Variants in TDO2 observed in about 807,000 individuals in gnomAD.
The protein encoded by TDO2 is tryptamin 2,3-dioxygenase.
Under a neutral mutation model 61.2 loss-of-function variants are expected in TDO2, and 63 were observed. That is an observed-to-expected ratio of 1.03 (90% CI 0.84 to 1.27). TDO2 has a LOEUF of 1.27. TDO2 is among the 50% of genes most tolerant of loss of function. The pLI is 0.00. For synonymous variants in TDO2, 183 were observed against 164.0 expected (o/e 1.12, Z -0.89); for missense variants, 494 against 469.5 (o/e 1.05, Z -0.48).
At chr4:155,914,714 G>T (rs1209678841) in intron 8 of TDO2, among the ~76,000 whole-genome samples, 4 of 152,100 alleles carry the variant, frequency 2.6e-5, no homozygotes, top group Non-Finnish European at 4.4e-5. Context: ...GTAGTTCACA[G>T]CCTAATAGGG....
At chr4:155,908,761 T>G in intron 4 of TDO2, 126 bp from the exon 5 acceptor site, 1 of 1,207,960 alleles carries the variant, frequency 8.3e-7, no homozygotes, top group Non-Finnish European at 1.1e-6. Flanking sequence ...TTGCAAATTT[T>G]AGTTTCAAAG....
rs1335454055 is a variant in TDO2 at position 155,914,422 on chromosome 4, C to A, written c.826C>A (p.Leu276Ile). 2 of 1,592,624 alleles carry A rather than the reference C, an allele frequency of 1.3e-6. No homozygotes were observed. The highest frequency in any genetic ancestry group is 3.8e-5 in the Admixed American group (2 of 52,968). Residue 276 changes from leucine (L) to isoleucine (I), a missense_variant, in exon 8 of 12, where the codon CTC (leucine) becomes ATC (isoleucine). Transcript: ENST00000536354. ...ATTTGATGAGAAACGTCATGAACAT[C>A]TCCTTAGTAAAGGCAGGTATTTTTA... The part of the protein sequence containing the change: ...SLFDEKRHEH[L>I]LSKGERRLSY...
At position 155,919,941 on chromosome 4, in the gene TDO2, C is replaced by T. The variant is rs1743014098; in HGVS notation, c.1172C>T (p.Thr391Ile). The T allele has an allele frequency of 1.9e-6, 3 of 1,613,626 alleles. No individual in the cohort carries two copies. Among genetic ancestry groups the T allele is most frequent in the African/African-American group, 2.7e-5 (2 of 75,024 alleles). The change falls in exon 12 of 12, where the codon ACA becomes ATA. Residue 391 changes from threonine to isoleucine, a missense_variant. Coordinates refer to ENST00000536354, the MANE Select transcript of TDO2 (RefSeq NM_005651.4). ...MNPTIHKFLYTAEYCDSSYFS... is the reference protein window; with the variant it reads ...MNPTIHKFLYIAEYCDSSYFS... ...CCAACCATTCACAAATTTCTATATA[C>T]AGCAGAATACTGTGATAGCTCCTAC...
At chr4:155,906,430 G>T (rs1232614329) in intron 3 of TDO2, 1 of 152,136 alleles carries the variant, frequency 6.6e-6, no homozygotes, top group African/African-American at 2.4e-5. Flanking sequence ...ATAACTTAGA[G>T]TTATAATTGG....
At chr4:155,916,373 T>TTAGCCAGGATGGTCTCGA in intron 9 of TDO2, among the ~76,000 whole-genome samples, 1 of 43,194 alleles carries the variant, frequency 2.3e-5, no homozygotes, top group Admixed American at 2.9e-4. Flanking sequence ...TTTCACCGTG[T>TTAGCCAGGATGGTCTCGA]TAGCCAGGAT....
At chr4:155,916,261 G>A (rs1181800761) in intron 9 of TDO2, among the ~76,000 whole-genome samples, 2 of 143,112 alleles carry the variant, frequency 1.4e-5, no homozygotes, top group African/African-American at 2.6e-5. Flanking sequence ...TCCGCCTCCC[G>A]GGTTCACGCC....
At chr4:155,916,117 G>C (rs1742928325) in intron 9 of TDO2, among the ~76,000 whole-genome samples, 1 of 147,800 alleles carries the variant, frequency 6.8e-6, no homozygotes, top group Non-Finnish European at 1.5e-5. Context: ...CTTTTTCCCT[G>C]AACAGGGTTA....
chr4:155,905,016 T>A (rs771447894), intron 2 of TDO2, 51 bp from the exon 3 acceptor site: 1 of 1,380,286 alleles, frequency 7.2e-7, no homozygotes, highest in South Asian at 1.4e-5. Flanking sequence ...CTAAAGTTCA[T>A]AAAAACCAAG....
rs1270229491 is a variant in TDO2, at chr4:155,914,413, C to T, written c.817C>T (p.His273Tyr). The change falls in exon 8 of 12, where the codon CAT (histidine) becomes TAT (tyrosine). Residue 273 changes from histidine to tyrosine, a missense_variant. Physicochemically the swap from His to Tyr is moderately conservative, Grantham distance 83. Coordinates refer to ENST00000536354, the MANE Select transcript of TDO2 (RefSeq NM_005651.4). ...VLLSLFDEKR[H>Y]EHLLSKGERR... ...ACTGTCCTTATTTGATGAGAAACGTCATGAACATCTCCTTAGTAAAGGCAG... is the reference window on the plus strand; with the variant it reads ...ACTGTCCTTATTTGATGAGAAACGTTATGAACATCTCCTTAGTAAAGGCAG... 1 of 1,597,494 alleles carries T rather than the reference C, an allele frequency of 6.3e-7. No individual in the cohort carries two copies. The highest frequency in any genetic ancestry group is 8.5e-7 in the Non-Finnish European group (1 of 1,175,872).
chr4:155,920,208 G>T lies in TDO2; in HGVS notation c.*218G>T. The T allele has an allele frequency of 4.0e-6, 2 of 500,002 alleles. No homozygotes were observed. The highest frequency in any genetic ancestry group is 3.6e-5 in the East Asian group (1 of 27,780). 31.0% of individuals were successfully genotyped at this position (500,002 alleles called of 1,614,324 possible). ...ATTTAAATAGTAACATTGTACATAG[G>T]GTGTTTTCCTATTAAAAATTCAGTT... On this transcript the variant is annotated 3_prime_UTR_variant, in exon 12 of 12. Coordinates refer to ENST00000536354, the MANE Select transcript of TDO2 (RefSeq NM_005651.4).
intron 6 of TDO2, among the ~76,000 whole-genome samples, chr4:155,910,807 C>A (rs1742815624): frequency 6.6e-6 from 1 of 152,060 alleles, no homozygotes; most frequent in Non-Finnish European, 1.5e-5. Context: ...TTATACTCTG[C>A]TCATTAATCC....
In TDO2 at chr4:155,920,033, AT is replaced by A. The variant is rs766915350; in HGVS notation, c.*49del. The A allele has an allele frequency of 4.4e-6, 7 of 1,576,800 alleles. No individual in the cohort carries two copies. The highest frequency in any genetic ancestry group is 8.7e-7 in the Non-Finnish European group (1 of 1,153,488). On this transcript the variant is annotated 3_prime_UTR_variant, in exon 12 of 12. Coordinates refer to ENST00000536354, the MANE Select transcript of TDO2 (RefSeq NM_005651.4). ...ATGAAGAATACTGGTTTCACAGCCT[AT>A]TTTTTATTTTCTATGGATTTTCATA...
rs377146366 is a variant in TDO2 at position 155,903,732 on chromosome 4, G to C, written c.-27G>C. 6.2e-7 allele frequency: 1 copy of C among 1,614,112 alleles called. No homozygotes were observed. The highest frequency in any genetic ancestry group is 2.2e-5 in the East Asian group (1 of 44,878). On this transcript the variant is annotated 5_prime_UTR_variant, in exon 1 of 12. Transcript: ENST00000536354. ...AGCATCTGCCTAGAGTCAAACCTCC[G>C]TGCTTCTCAGACAGTGCCTTTTCAC... is the stretch of plus-strand genomic sequence containing the variant.
chr4:155,905,387 GTTC>G (rs1742700879), intron 3 of TDO2: 3 of 398,786 alleles, frequency 7.5e-6, no homozygotes, highest in African/African-American at 6.3e-5. Flanking sequence ...CTTTAGCTTT[GTTC>G]TTAACTCCAA....
chr4:155,912,330 A>T (rs1167470462), intron 7 of TDO2, among the ~76,000 whole-genome samples: 1 of 152,174 alleles, frequency 6.6e-6, no homozygotes, highest in African/African-American at 2.4e-5. Flanking sequence ...CTTGTAAAGC[A>T]TTGAAAGCAG....
intron 2 of TDO2, 72 bp downstream of exon 2, chr4:155,904,195 G>T: frequency 8.9e-7 from 1 of 1,122,168 alleles, no homozygotes; most frequent in Non-Finnish European, 1.3e-6. Context: ...GACTTTTTAT[G>T]ATTTTATTTC....
intron 4 of TDO2, 32 bp downstream of exon 4, chr4:155,907,824 G>T (rs1217984429): frequency 6.5e-7 from 1 of 1,534,936 alleles, no homozygotes; most frequent in Admixed American, 1.7e-5. Flanking sequence ...TTGGTTTCAT[G>T]TATATTTTTG....
At chr4:155,905,220 C>T (rs944008705) in intron 3 of TDO2, 63 bp downstream of exon 3, 4 of 1,224,046 alleles carry the variant, frequency 3.3e-6, no homozygotes, top group Non-Finnish European at 3.4e-6. Flanking sequence ...ACGAGGAAAG[C>T]TACAATTTTT....
chr4:155,914,248 T>C, intron 7 of TDO2, 75 bp from the exon 8 acceptor site: 2 of 1,087,452 alleles, frequency 1.8e-6, no homozygotes, highest in Non-Finnish European at 2.7e-6. Flanking sequence ...AGTCTTTTCC[T>C]CATAAGCAAA....
Sources: gnomAD v4.1 joint callset for allele counts (sites outside exome capture counted in the v4.1 genomes callset) on GRCh38, gnomAD v4.1.1 for gene constraint, MANE v1.5 for transcripts, NCBI Gene and HGNC (gene_info 2026-07-23, HGNC 2026-07-21) for gene names.